Variants in DOCK9 observed in about 807,000 individuals in gnomAD.
The protein encoded by DOCK9 is dedicator of cytokinesis protein 9.
Under a neutral mutation model 263.3 loss-of-function variants are expected in DOCK9, and 89 were observed. The ratio of observed to expected loss-of-function variants is 0.34; its 90% CI spans 0.28 to 0.40. The LOEUF is 0.40. Among genes scored for constraint, DOCK9 ranks in the 10% least tolerant of loss-of-function variants. The pLI, the probability that DOCK9 is intolerant of heterozygous loss-of-function variation, is 1.00. For missense variants in DOCK9, 2,140 were observed against 2,603.4 expected (o/e 0.82, Z 3.87); for synonymous variants, 976 against 973.1 (o/e 1.00, Z -0.06).
intron 30 of DOCK9, chr13:98,866,954 T>C (rs2094044607): frequency 7.4e-6 from 2 of 271,922 alleles, no homozygotes; most frequent in East Asian, 1.1e-4. Context: ...TCAAATTATA[T>C]AGGAAATACT....
At chr13:98,889,274 T>A (rs1427895592) in intron 15 of DOCK9, among the ~76,000 whole-genome samples, 1 of 152,154 alleles carries the variant, frequency 6.6e-6, no homozygotes, top group East Asian at 1.9e-4. Context: ...GAAAAAAGAC[T>A]ACACATTGGG....
At chr13:98,850,187 G>A (rs2093521089) in intron 35 of DOCK9, 74 bp from the exon 36 acceptor site, 2 of 1,128,184 alleles carry the variant, frequency 1.8e-6, no homozygotes, top group African/African-American at 1.6e-5. Context: ...TTGTGAAAAT[G>A]GGAAGGAACC....
intron 50 of DOCK9, among the ~76,000 whole-genome samples, chr13:98,798,618 G>A (rs1445286180): frequency 1.3e-5 from 2 of 152,208 alleles, no homozygotes; most frequent in Non-Finnish European, 2.9e-5. Flanking sequence ...ACTCCATAAG[G>A]TCTAATAGCA....
chr13:98,880,057 A>G, intron 26 of DOCK9, 88 bp from the exon 27 acceptor site: 1 of 1,064,540 alleles, frequency 9.4e-7, no homozygotes, highest in Non-Finnish European at 1.4e-6. Flanking sequence ...TATTATTGAC[A>G]TAAAGCAGGT....
intron 1 of DOCK9, among the ~76,000 whole-genome samples, chr13:99,070,528 A>G (rs569049056): frequency 6.6e-6 from 1 of 152,282 alleles, no homozygotes; most frequent in Admixed American, 6.5e-5. Flanking sequence ...GTTATATGGT[A>G]TTTCTTTAGC....
At chr13:98,887,139 ATATATTTTTTTTT>A (rs1282275758) in intron 18 of DOCK9, among the ~76,000 whole-genome samples, 77 of 48,764 alleles carry the variant, frequency 1.6e-3, no homozygotes, top group African/African-American at 5.6e-3. Context: ...ATATATATAT[ATATATTTTTTTTT>A]TTTTTTTTTT....
rs370318838 is a variant in DOCK9 at position 98,860,433 on chromosome 13, C to T, written c.3669G>A (p.Lys1223=). The T allele has an allele frequency of 2.5e-6, 4 of 1,592,772 alleles. No homozygotes were observed. In the African/African-American group the frequency reaches 5.4e-5, roughly 21 times the overall value. Residue 1223 remains lysine, a synonymous_variant, in exon 33 of 53, where the codon AAG becomes AAA. Coordinates refer to ENST00000682017, the MANE Select transcript of DOCK9 (RefSeq NM_001366683.2). ...KGSTLDNSLH[K]DLLGAISGIA... The stretch of plus-strand genomic sequence containing the variant: ...TGCCGGAGATGGCGCCCAGCAGGTC[C>T]TTGTGCAGGCTGTTGTCCAGGGTGC...
At chr13:99,037,058 T>A (rs1555298608) in intron 1 of DOCK9, among the ~76,000 whole-genome samples, 1 of 152,178 alleles carries the variant, frequency 6.6e-6, no homozygotes, top group Non-Finnish European at 1.5e-5. Flanking sequence ...CAGTATTTTT[T>A]AAAAAGACAA....
intron 3 of DOCK9, among the ~76,000 whole-genome samples, chr13:98,929,545 A>AAAAAAT: frequency 6.6e-6 from 1 of 152,300 alleles, no homozygotes; most frequent in Non-Finnish European, 1.5e-5. Context: ...ACTCTGTCTC[A>AAAAAAT]AAAAATAAAA....
rs2053677282 is a variant in DOCK9, at chr13:98,930,155, G to T, written c.333+13C>A. ...GACTTCAAAATGTAAATTAATGCAGGAAAGAGCCTTACCTCTGTAACAAAC... is the reference window on the plus strand; with the variant it reads ...GACTTCAAAATGTAAATTAATGCAGTAAAGAGCCTTACCTCTGTAACAAAC... On this transcript the variant is annotated intron_variant, in intron 3 of 52. Transcript: ENST00000682017. The T allele has an allele frequency of 4.4e-6, 7 of 1,601,824 alleles. No homozygotes were observed. The highest frequency in any genetic ancestry group is 6.0e-6 in the Non-Finnish European group (7 of 1,173,586).
chr13:99,084,072 G>C (rs2142505606), intron 1 of DOCK9, among the ~76,000 whole-genome samples: 1 of 152,288 alleles, frequency 6.6e-6, no homozygotes, highest in South Asian at 2.1e-4. Flanking sequence ...TCTGCCTCCT[G>C]AGAAGTCCAG....
At chr13:98,866,114 C>T (rs1238325785) in intron 30 of DOCK9, among the ~76,000 whole-genome samples, 1 of 152,152 alleles carries the variant, frequency 6.6e-6, no homozygotes, top group Non-Finnish European at 1.5e-5. Context: ...TGTTATCTGG[C>T]CACCCTGTCT....
chr13:98,888,365 C>T lies in DOCK9; in HGVS notation c.1972G>A (p.Ala658Thr), dbSNP rs769170568. 3.7e-6 allele frequency: 6 copies of T among 1,612,432 alleles called. No homozygotes were observed. Among genetic ancestry groups the T allele is most frequent in the African/African-American group, 1.3e-5 (1 of 74,898 alleles). The change falls in exon 17 of 53, where the codon GCC (alanine) becomes ACC (threonine). Residue 658 changes from alanine to threonine, a missense_variant. By Grantham distance (58) the Ala-to-Thr change is moderately conservative. Transcript: ENST00000682017. ...ACCTCCATCTTCACACTCACCTTGG[C>T]AAAAGACTTCTGACTGTCGTATTTC... is the stretch of plus-strand genomic sequence containing the variant. The part of the protein sequence containing the change: ...YLKYDSQKSF[A>T]KARNIAICIE...
At position 98,926,228 on chromosome 13, in the gene DOCK9, G is replaced by A. The variant is rs181407870; in HGVS notation, c.334-309C>T. ...TTACTTAACAATGGACTATTTCAGA[G>A]TAAGCACCTGGTTCTTAAAAAGCCA... On this transcript the variant is annotated intron_variant, in intron 3 of 52. Coordinates refer to ENST00000682017, the MANE Select transcript of DOCK9 (RefSeq NM_001366683.2). Among the ~76,000 whole-genome samples, 53 of 152,306 alleles carry A rather than the reference G, an allele frequency of 3.5e-4. 1 individual carries two copies. In the East Asian group the frequency reaches 9.8e-3, roughly 28 times the overall value.
intron 33 of DOCK9, chr13:98,857,053 CTTAGA>C (rs2093724183): frequency 6.6e-6 from 1 of 152,212 alleles, no homozygotes; most frequent in Non-Finnish European, 1.5e-5. Context: ...TGACTTCCTG[CTTAGA>C]TAAGATTTAA....
chr13:98,840,881 A>T (rs1352591671), intron 38 of DOCK9, among the ~76,000 whole-genome samples: 1 of 152,244 alleles, frequency 6.6e-6, no homozygotes. Context: ...TTATGAGAAA[A>T]TATAAATACC....
intron 39 of DOCK9, among the ~76,000 whole-genome samples, chr13:98,832,419 G>A (rs1170186095): frequency 6.6e-6 from 1 of 152,108 alleles, no homozygotes; most frequent in Non-Finnish European, 1.5e-5. Flanking sequence ...ATGAGATCAA[G>A]TGTAGAAACC....
At chr13:98,823,985 T>C (rs1437042532) in intron 45 of DOCK9, among the ~76,000 whole-genome samples, 1 of 152,226 alleles carries the variant, frequency 6.6e-6, no homozygotes, top group Non-Finnish European at 1.5e-5. Context: ...TGGCCTCTCA[T>C]GCCTTTGAGT....
Position 98,965,584 on chromosome 13 carries a change from C to G in DOCK9, c.127-10033G>C, listed in dbSNP as rs114699486. Among the ~76,000 whole-genome samples, 1,178 of 152,262 alleles carry G rather than the reference C, an allele frequency of 7.7e-3. 19 individuals carry two copies. The highest frequency in any genetic ancestry group is 0.027 in the African/African-American group (1,127 of 41,550). On this transcript the variant is annotated intron_variant, in intron 1 of 52. Coordinates refer to ENST00000682017, the MANE Select transcript of DOCK9 (RefSeq NM_001366683.2). ...AGGAGGAACCTCCTGAGCCCTGGCC[C>G]AGGATCTTGTCTCAGCCCGTACTAA...
Sources: gnomAD v4.1 joint callset for allele counts (sites outside exome capture counted in the v4.1 genomes callset) on GRCh38, gnomAD v4.1.1 for gene constraint, MANE v1.5 for transcripts, NCBI Gene and HGNC (gene_info 2026-07-23, HGNC 2026-07-21) for gene names.